RWDD1: variants seen among roughly 807,000 people sequenced by gnomAD.
RWDD1 encodes RWD domain containing 1, also known as RWD domain-containing protein 1.
RWDD1 carries 17 observed loss-of-function variants against 31.6 expected under a neutral mutation model. The observed-to-expected ratio is 0.54, with a 90% CI of 0.37 to 0.81. The LOEUF (loss-of-function observed/expected upper bound fraction) is 0.81. RWDD1 is among the 30% of genes least tolerant of loss of function. RWDD1 has a pLI of 0.00. For missense variants in RWDD1, 204 were observed against 274.5 expected (o/e 0.74, Z 1.82); for synonymous variants, 78 against 94.2 (o/e 0.83, Z 0.99).
intron 1 of RWDD1, among the ~76,000 whole-genome samples, chr6:116,573,234 T>G (rs532946953): frequency 6.6e-5 from 10 of 152,228 alleles, no homozygotes; most frequent in African/African-American, 2.2e-4. Context: ...AAAACTGATA[T>G]CTTTTTTTGT....
chr6:116,588,985 G>A lies in RWDD1; in HGVS notation c.414G>A (p.Lys138=). The stretch of plus-strand genomic sequence containing the variant: ...AAAAAGAAGCAGAAGAAGCTGAAAA[G>A]GTATATTTAAAAGCCTTGTTTTCTT... ...QKEKEAEEAE[K]QLFHGTPVTI... The change falls in exon 4 of 7, where the codon AAG becomes AAA. Residue 138 remains lysine (K), a splice_region_variant and synonymous_variant. Coordinates refer to ENST00000466444, the MANE Select transcript of RWDD1 (RefSeq NM_015952.4). 1.5e-6 allele frequency: 2 copies of A among 1,354,230 alleles called. No individual in the cohort carries two copies. The highest frequency in any genetic ancestry group is 2.1e-5 in the South Asian group (1 of 48,512). The allele number at this position is 1,354,230 out of a possible 1,614,324, so 83.9% of individuals were successfully genotyped here.
intron 4 of RWDD1, among the ~76,000 whole-genome samples, chr6:116,589,435 T>C (rs1282058409): frequency 2.0e-5 from 3 of 152,202 alleles, no homozygotes; most frequent in African/African-American, 7.2e-5. Flanking sequence ...CTGGGCTGCA[T>C]GTGGCTCTCA....
At position 116,593,101 on chromosome 6, in the gene RWDD1, A is replaced by G. The variant is rs756296693; in HGVS notation, c.732A>G (p.Ter244=). Residue 244 remains the stop codon, a stop_retained_variant, in exon 7 of 7, where the codon TAA becomes TAG. Transcript: ENST00000466444. ...PADPESDSAD[*] ...ACCCAGAGAGTGACTCAGCTGACTA[A>G]TGGACTGTCCCCATCTGCAGAGAGG... 1.2e-6 allele frequency: 2 copies of G among 1,613,622 alleles called. No homozygotes were observed. Among genetic ancestry groups the G allele is most frequent in the East Asian group, 2.2e-5 (1 of 44,864 alleles).
At chr6:116,573,231 A>G (rs145356364) in intron 1 of RWDD1, among the ~76,000 whole-genome samples, 1 of 152,130 alleles carries the variant, frequency 6.6e-6, no homozygotes, top group Non-Finnish European at 1.5e-5. Context: ...TATAAAACTG[A>G]TATCTTTTTT....
chr6:116,573,195 C>T (rs1194482350), intron 1 of RWDD1, among the ~76,000 whole-genome samples: 1 of 152,194 alleles, frequency 6.6e-6, no homozygotes, highest in Non-Finnish European at 1.5e-5. Context: ...AGCTATCCCT[C>T]GCTAAATCCT....
chr6:116,578,483 T>G (rs1413007415), intron 1 of RWDD1, among the ~76,000 whole-genome samples: 5 of 152,328 alleles, frequency 3.3e-5, no homozygotes, highest in Non-Finnish European at 5.9e-5. Flanking sequence ...TGGTTACCCC[T>G]GACCTATAGC....
chr6:116,581,490 G>A (rs1379381231), intron 2 of RWDD1, among the ~76,000 whole-genome samples: 7 of 151,996 alleles, frequency 4.6e-5, no homozygotes, highest in African/African-American at 1.7e-4. Flanking sequence ...TATGAAATAG[G>A]TGTACTCAGT....
At position 116,595,304 on chromosome 6, in the gene RWDD1, A is replaced by G. The variant is rs998742859; in HGVS notation, c.*2203A>G. On this transcript the variant is annotated 3_prime_UTR_variant, in exon 7 of 7. Coordinates refer to ENST00000466444, the MANE Select transcript of RWDD1 (RefSeq NM_015952.4). The stretch of plus-strand genomic sequence containing the variant: ...GTCCACCTTTGCCATTTCAGAACCT[A>G]AAGGCAGAATCTAATGGTAAAATGA... 3.3e-5 allele frequency: 5 copies of G among 152,222 alleles called. No individual in the cohort carries two copies. Among genetic ancestry groups the G allele is most frequent in the African/African-American group, 1.2e-4 (5 of 41,452 alleles). 9.4% of individuals were successfully genotyped at this position (152,222 alleles called of 1,614,324 possible). A position where few individuals can be genotyped will look rare whatever the true frequency, so the allele number is the denominator to read the frequency against.
intron 1 of RWDD1, among the ~76,000 whole-genome samples, chr6:116,575,338 G>A (rs935015054): frequency 3.3e-5 from 5 of 151,572 alleles, no homozygotes; most frequent in African/African-American, 9.7e-5. Flanking sequence ...CACCCACTTC[G>A]GCCTCCCAAA....
rs1209590287 is a variant in RWDD1 at position 116,594,926 on chromosome 6, A to G, written c.*1825A>G. The G allele has an allele frequency of 1.3e-5, 2 of 152,362 alleles. No individual in the cohort carries two copies. The highest frequency in any genetic ancestry group is 3.8e-4 in the East Asian group (2 of 5,196). The allele number at this position is 152,362 out of a possible 1,614,324, so 9.4% of individuals were successfully genotyped here. On this transcript the variant is annotated 3_prime_UTR_variant, in exon 7 of 7. Transcript: ENST00000466444. ...TCAAAAAGCAAATTATTTAAGATAA[A>G]ATTACCATTGAGGAGTTTAATACTT... is the stretch of plus-strand genomic sequence containing the variant.
In RWDD1 at chr6:116,590,250, CTT is replaced by C. The variant is rs2243349; in HGVS notation, c.415-12_415-11del. On this transcript the variant is annotated intron_variant, in intron 4 of 6. Coordinates refer to ENST00000466444, the MANE Select transcript of RWDD1 (RefSeq NM_015952.4). ...AACTGCTGTTTCATTAATCTGGTGACTTTTTTTTTTTATTTCCTAAGCAATTA... is the reference window on the plus strand; with the variant it reads ...AACTGCTGTTTCATTAATCTGGTGACTTTTTTTTTATTTCCTAAGCAATTA... The C allele has an allele frequency of 4.4e-4, 475 of 1,074,670 alleles. No individual in the cohort carries two copies. The highest frequency in any genetic ancestry group is 4.5e-4 in the Middle Eastern group (2 of 4,484). 66.6% of individuals were successfully genotyped at this position (1,074,670 alleles called of 1,614,324 possible). A position where few individuals can be genotyped will look rare whatever the true frequency, so the allele number is the denominator to read the frequency against.
chr6:116,591,031 C>T lies in RWDD1; in HGVS notation c.610+81C>T, dbSNP rs1424649716. The stretch of plus-strand genomic sequence containing the variant: ...ATCCCAGCATTTTGGAAAGCCAAGG[C>T]AGGAGGATTGCTTGAGCCCAGGAGT... On this transcript the variant is annotated intron_variant, in intron 6 of 6. Coordinates refer to ENST00000466444, the MANE Select transcript of RWDD1 (RefSeq NM_015952.4). The T allele has an allele frequency of 3.4e-6, 5 of 1,466,778 alleles. No individual in the cohort carries two copies. The highest frequency in any genetic ancestry group is 1.5e-5 in the African/African-American group (1 of 67,328). The allele number at this position is 1,466,778 out of a possible 1,614,324, so 90.9% of individuals were successfully genotyped here.
Position 116,590,849 on chromosome 6 carries a change from A to G in RWDD1, c.548-39A>G, listed in dbSNP as rs375174686. 5 of 1,547,226 alleles carry G rather than the reference A, an allele frequency of 3.2e-6. No individual in the cohort carries two copies. The African/African-American group carries it at 5.7e-5, about 18-fold the overall frequency. ...ATTGTAGTGAAAATGGAGAAAAACT[A>G]TGCCATTTGAATTAAACATACTTTT... On this transcript the variant is annotated intron_variant, in intron 5 of 6. Coordinates refer to ENST00000466444, the MANE Select transcript of RWDD1 (RefSeq NM_015952.4).
At chr6:116,574,437 G>C (rs1332196098) in intron 1 of RWDD1, among the ~76,000 whole-genome samples, 3 of 152,120 alleles carry the variant, frequency 2.0e-5, no homozygotes, top group Non-Finnish European at 4.4e-5. Context: ...CTTTTTGAAA[G>C]GTCAGACACT....
At position 116,580,351 on chromosome 6, in the gene RWDD1, AATG is replaced by A; in HGVS notation, c.135_137del (p.Asp45del). 1.3e-6 allele frequency: 2 copies of A among 1,599,736 alleles called. No individual in the cohort carries two copies. The highest frequency in any genetic ancestry group is 8.5e-7 in the Non-Finnish European group (1 of 1,171,080). On this transcript the variant is annotated inframe_deletion, in exon 2 of 7. Coordinates refer to ENST00000466444, the MANE Select transcript of RWDD1 (RefSeq NM_015952.4). ...TACTGTGACGTCTGAGGCTGGAGAA[AATG>A]ATGAAAGTAAGTCTTATAAAAAATA...
At chr6:116,576,201 A>G (rs1198004340) in intron 1 of RWDD1, among the ~76,000 whole-genome samples, 2 of 152,244 alleles carry the variant, frequency 1.3e-5, no homozygotes, top group East Asian at 3.8e-4. Context: ...TTTAATGAGA[A>G]ATAATGTAAG....
At chr6:116,590,250 C>CTTT in intron 4 of RWDD1, 22 bp from the exon 5 acceptor site, 6 of 1,078,182 alleles carry the variant, frequency 5.6e-6, no homozygotes, top group South Asian at 1.7e-5. Context: ...AATCTGGTGA[C>CTTT]TTTTTTTTTT....
intron 2 of RWDD1, 49 bp from the exon 3 acceptor site, chr6:116,584,678 C>T: frequency 6.5e-7 from 1 of 1,536,300 alleles, no homozygotes; most frequent in Non-Finnish European, 9.0e-7. Flanking sequence ...AAGATATCTA[C>T]CTCTTTACTT....
At chr6:116,591,527 G>A (rs572043128) in intron 6 of RWDD1, among the ~76,000 whole-genome samples, 1 of 152,344 alleles carries the variant, frequency 6.6e-6, no homozygotes, top group South Asian at 2.1e-4. Flanking sequence ...GACTCTTGCT[G>A]TATTTGGAGC....
Sources: gnomAD v4.1 joint callset for allele counts (sites outside exome capture counted in the v4.1 genomes callset) on GRCh38, gnomAD v4.1.1 for gene constraint, MANE v1.5 for transcripts, NCBI Gene and HGNC (gene_info 2026-07-23, HGNC 2026-07-21) for gene names.